Variants in ASIC3 observed in about 807,000 individuals in gnomAD.
ASIC3 encodes acid-sensing ion channel 3.
In ASIC3, 46 loss-of-function variants were observed where a neutral mutation model predicts 58.6. The observed-to-expected ratio is 0.79, with a 90% CI of 0.62 to 1.00. The LOEUF (loss-of-function observed/expected upper bound fraction) is 1.00. Ranked by LOEUF, ASIC3 falls within the 50% of genes least tolerant of loss-of-function variation. The probability of loss-of-function intolerance (pLI) is 0.00; values close to 1 mark genes in which losing one functional copy is unlikely to be tolerated. For synonymous variants in ASIC3, 336 were observed against 300.2 expected, an observed-to-expected ratio of 1.12 and a Z score of -1.23; for missense variants, 770 against 735.0, an observed-to-expected ratio of 1.05 and a Z score of -0.55.
chr7:151,052,655 C>T lies in ASIC3; in HGVS notation c.*3C>T, dbSNP rs764215929. 5.0e-6 allele frequency: 8 copies of T among 1,614,156 alleles called. No homozygotes were observed. The Admixed American group carries it at 1.3e-4, about 27-fold the overall frequency. ...GCTACCTTGTCACACAGCTCTAGACCTGCTGTCTGTGTCCTCGGAGCCCCG... is the reference window on the plus strand; with the variant it reads ...GCTACCTTGTCACACAGCTCTAGACTTGCTGTCTGTGTCCTCGGAGCCCCG... On this transcript the variant is annotated 3_prime_UTR_variant, in exon 11 of 11. Coordinates refer to ENST00000349064, the MANE Select transcript of ASIC3 (RefSeq NM_004769.4). This position sits in a 1 kb window ranked among gnomAD's most constrained non-coding sequence, Gnocchi z 5.0.
chr7:151,051,831 C>G lies in ASIC3; in HGVS notation c.1236C>G (p.Asp412Glu). The stretch of plus-strand genomic sequence containing the variant: ...TCAGGGAGAACGTGCTGGCCCTGGA[C>G]ATCTTCTTTGAGGCCCTCAACTATG... ...AYIAENVLAL[D>E]IFFEALNYET... The change falls in exon 7 of 11, where the codon GAC (aspartate) becomes GAG (glutamate). Residue 412 changes from aspartate (D) to glutamate (E), a missense_variant. Transcript: ENST00000349064. 2 of 1,613,736 alleles carry G rather than the reference C, an allele frequency of 1.2e-6. No homozygotes were observed. The highest frequency in any genetic ancestry group is 2.2e-5 in the South Asian group (2 of 91,072).
chr7:151,052,285 G>A lies in ASIC3; in HGVS notation c.1458+48G>A. 6.2e-7 allele frequency: 1 copy of A among 1,613,486 alleles called. No homozygotes were observed. The highest frequency in any genetic ancestry group is 8.5e-7 in the Non-Finnish European group (1 of 1,179,848). ...CCTTGCCTGCTCCAAGGGTGCTAGG[G>A]CCCACCCCTGAAGCCTAGACCACCA... On this transcript the variant is annotated intron_variant, in intron 9 of 10. Coordinates refer to ENST00000349064, the MANE Select transcript of ASIC3 (RefSeq NM_004769.4). This position sits in a 1 kb window ranked among gnomAD's most constrained non-coding sequence, Gnocchi z 5.0.
In ASIC3 at chr7:151,052,620, C is replaced by T; in HGVS notation, c.1564C>T (p.His522Tyr). 1 of 1,614,192 alleles carries T rather than the reference C, an allele frequency of 6.2e-7. No homozygotes were observed. The highest frequency in any genetic ancestry group is 8.5e-7 in the Non-Finnish European group (1 of 1,180,028). ...CAVTKTLSAS[H>Y]RTCYLVTQL Reference sequence around the variant, plus strand: ...CGTCACCAAGACTCTCTCCGCCTCCCACCGCACCTGCTACCTTGTCACACA... The same window carrying T: ...CGTCACCAAGACTCTCTCCGCCTCCTACCGCACCTGCTACCTTGTCACACA... Residue 522 changes from histidine (H) to tyrosine (Y), a missense_variant, in exon 11 of 11, where the codon CAC becomes TAC. Transcript: ENST00000349064. The surrounding 1 kb of genome is among the most constrained non-coding windows in gnomAD (Gnocchi z 5.0).
rs1169799734 is a variant in ASIC3, at chr7:151,049,336, G to A, written c.451G>A (p.Ala151Thr). ...SPTFDMAQLY[A>T]RAGHSLDDML... The stretch of plus-strand genomic sequence containing the variant: ...CACCTTTGACATGGCGCAACTCTAT[G>A]CCCGTGCTGGGCACTCCCTGGATGA... The change falls in exon 1 of 11, where the codon GCC (alanine) becomes ACC (threonine). Residue 151 changes from alanine (A) to threonine (T), a missense_variant. Ala to Thr is a moderately conservative substitution (Grantham distance 58). Coordinates refer to ENST00000349064, the MANE Select transcript of ASIC3 (RefSeq NM_004769.4). The A allele has an allele frequency of 1.2e-6, 2 of 1,612,954 alleles. No individual in the cohort carries two copies. The highest frequency in any genetic ancestry group is 4.5e-5 in the East Asian group (2 of 44,892).
intron 6 of ASIC3, 79 bp downstream of exon 6, chr7:151,051,398 C>T: frequency 7.2e-7 from 1 of 1,397,606 alleles, no homozygotes; most frequent in Non-Finnish European, 9.2e-7. Context: ...AGGCCGTAGC[C>T]CTAGTGCGCA....
intron 1 of ASIC3, among the ~76,000 whole-genome samples, chr7:151,049,805 C>CGGAGGACATA (rs1232656444): frequency 6.6e-6 from 1 of 152,192 alleles, no homozygotes; most frequent in African/African-American, 2.4e-5. Flanking sequence ...CAACATACTG[C>CGGAGGACATA]CAGCCCCGGA....
intron 2 of ASIC3, 27 bp downstream of exon 2, chr7:151,050,283 G>C: frequency 6.2e-7 from 1 of 1,602,410 alleles, no homozygotes; most frequent in Non-Finnish European, 8.5e-7. Flanking sequence ...TGAGGCTGGG[G>C]GAGGGCACGG....
At chr7:151,050,642 C>T (rs1796745330) in intron 3 of ASIC3, 34 bp downstream of exon 3, 1 of 1,612,908 alleles carries the variant, frequency 6.2e-7, no homozygotes, top group Non-Finnish European at 8.5e-7. Context: ...CCTACTACTT[C>T]AAGCCCACAC....
Position 151,050,621 on chromosome 7 carries a change from G to T in ASIC3, c.813+13G>T, listed in dbSNP as rs1436949942. ...CCAGCAGCAGCAGGTACCCTTCCGT[G>T]TGCCTCCACACCTACTACTTCAAGC... is the stretch of plus-strand genomic sequence containing the variant. On this transcript the variant is annotated intron_variant, in intron 3 of 10. Transcript: ENST00000349064. The T allele has an allele frequency of 6.2e-7, 1 of 1,613,840 alleles. No homozygotes were observed. Among genetic ancestry groups the T allele is most frequent in the Admixed American group, 1.7e-5 (1 of 60,002 alleles).
rs199642384 is a variant in ASIC3 at position 151,051,989 on chromosome 7, T to A, written c.1313T>A (p.Ile438Asn). The change falls in exon 8 of 11, where the codon ATT (isoleucine) becomes AAT (asparagine). Residue 438 changes from isoleucine to asparagine, a missense_variant. By Grantham distance (149) the Ile-to-Asn change is moderately radical. Transcript: ENST00000349064. Reference protein sequence around the residue: ...AYEMSELLGDIGGQMGLFIGA... With the variant: ...AYEMSELLGDNGGQMGLFIGA... ...GGTGACCCTGTCTCCACAGGTGACA[T>A]TGGGGGCCAGATGGGGCTGTTCATC... 1.9e-6 allele frequency: 3 copies of A among 1,613,086 alleles called. No individual in the cohort carries two copies. Among genetic ancestry groups the A allele is most frequent in the Non-Finnish European group, 2.5e-6 (3 of 1,179,762 alleles).
At position 151,050,472 on chromosome 7, in the gene ASIC3, C is replaced by T. The variant is rs758519517; in HGVS notation, c.686-9C>T. The T allele has an allele frequency of 1.2e-6, 2 of 1,613,196 alleles. No individual in the cohort carries two copies. The highest frequency in any genetic ancestry group is 8.5e-7 in the Non-Finnish European group (1 of 1,179,632). On this transcript the variant is annotated splice_polypyrimidine_tract_variant and intron_variant, in intron 2 of 10. Coordinates refer to ENST00000349064, the MANE Select transcript of ASIC3 (RefSeq NM_004769.4). ...CACAGGTCAGGCCTCACAGGTCCCTCCCCGACAGAGGAGACCCCGTTTGAG... is the reference window on the plus strand; with the variant it reads ...CACAGGTCAGGCCTCACAGGTCCCTTCCCGACAGAGGAGACCCCGTTTGAG...
rs766821943 is a variant in ASIC3 at position 151,051,829 on chromosome 7, G to A, written c.1234G>A (p.Asp412Asn). 1.2e-6 allele frequency: 2 copies of A among 1,613,714 alleles called. No homozygotes were observed. The highest frequency in any genetic ancestry group is 1.7e-5 in the Admixed American group (1 of 60,008). ...AYIAENVLAL[D>N]IFFEALNYET... ...CCTCAGGGAGAACGTGCTGGCCCTGGACATCTTCTTTGAGGCCCTCAACTA... is the reference window on the plus strand; with the variant it reads ...CCTCAGGGAGAACGTGCTGGCCCTGAACATCTTCTTTGAGGCCCTCAACTA... The change falls in exon 7 of 11, where the codon GAC (aspartate) becomes AAC (asparagine). Residue 412 changes from aspartate (D) to asparagine (N), a missense_variant. Transcript: ENST00000349064.
intron 6 of ASIC3, 58 bp downstream of exon 6, chr7:151,051,377 CG>C (rs1162090754): frequency 2.1e-6 from 3 of 1,414,574 alleles, no homozygotes. Flanking sequence ...CGGGGCGGAA[CG>C]GGGCAGGCCA....
chr7:151,052,498 A>G lies in ASIC3; in HGVS notation c.1517+24A>G. ...AGGTAACACATAATGGCCCCCTAAA[A>G]TCAAGGGAGGGCAGGGGCAGGCTCA... On this transcript the variant is annotated intron_variant, in intron 10 of 10. Transcript: ENST00000349064. The surrounding 1 kb of genome is among the most constrained non-coding windows in gnomAD (Gnocchi z 5.0). The G allele has an allele frequency of 6.2e-7, 1 of 1,613,906 alleles. No individual in the cohort carries two copies.
intron 3 of ASIC3, 64 bp downstream of exon 3, chr7:151,050,672 T>C: frequency 1.2e-6 from 2 of 1,608,732 alleles, no homozygotes; most frequent in African/African-American, 2.7e-5. Context: ...CCCTAAACCC[T>C]CAGCTCCTCA....
intron 1 of ASIC3, 106 bp from the exon 2 acceptor site, chr7:151,050,000 T>A (rs982082056): frequency 1.4e-6 from 2 of 1,463,474 alleles, no homozygotes; most frequent in African/African-American, 2.8e-5. Context: ...AGATGCGGGC[T>A]TCAGTATTCA....
In ASIC3 at chr7:151,052,609, T is replaced by A; in HGVS notation, c.1553T>A (p.Leu518His). 1 of 1,613,584 alleles carries A rather than the reference T, an allele frequency of 6.2e-7. No homozygotes were observed. Among genetic ancestry groups the A allele is most frequent in the Non-Finnish European group, 8.5e-7 (1 of 1,179,890 alleles). The change falls in exon 11 of 11, where the codon CTC becomes CAC. Residue 518 changes from leucine (L) to histidine (H), a missense_variant. Transcript: ENST00000349064. This position sits in a 1 kb window ranked among gnomAD's most constrained non-coding sequence, Gnocchi z 5.0. ...PTPPCAVTKT[L>H]SASHRTCYLV... ...CCTCCCTGTGCCGTCACCAAGACTC[T>A]CTCCGCCTCCCACCGCACCTGCTAC...
chr7:151,050,947 A>G lies in ASIC3; in HGVS notation c.1003A>G (p.Met335Val), dbSNP rs370429790. 11 of 1,613,312 alleles carry G rather than the reference A, an allele frequency of 6.8e-6. No individual in the cohort carries two copies. In the African/African-American group the frequency reaches 8.0e-5, roughly 12 times the overall value. ...ARKCGCRMVY[M>V]PGDVPVCSPQ... ...GAAGTGCGGCTGCCGAATGGTGTAC[A>G]TGCCAGGTGAGGGGCTGGGGTTTTC... The change falls in exon 4 of 11, where the codon ATG becomes GTG. Residue 335 changes from methionine (M) to valine (V), a missense_variant. Met to Val is a conservative substitution (Grantham distance 21). Coordinates refer to ENST00000349064, the MANE Select transcript of ASIC3 (RefSeq NM_004769.4).
rs1026445648 is a variant in ASIC3 at position 151,050,358 on chromosome 7, C to T, written c.685+102C>T. 3.2e-6 allele frequency: 5 copies of T among 1,565,000 alleles called. No homozygotes were observed. In the African/African-American group the frequency reaches 6.8e-5, roughly 21 times the overall value. On this transcript the variant is annotated intron_variant, in intron 2 of 10. Transcript: ENST00000349064. Reference sequence around the variant, plus strand: ...AGGTGTCAGGGTGTTCCCCCAGAACCTGTGAAAGGGGCTGGGCTGGCTCAT... The same window carrying T: ...AGGTGTCAGGGTGTTCCCCCAGAACTTGTGAAAGGGGCTGGGCTGGCTCAT...
Sources: allele counts gnomAD v4.1 joint callset (sites outside exome capture counted in the v4.1 genomes callset), GRCh38; gene constraint gnomAD v4.1.1; non-coding constraint Gnocchi (gnomAD v3.1); transcripts MANE v1.5; gene names NCBI Gene and HGNC (gene_info 2026-07-23, HGNC 2026-07-21).